ZZZ3: variants seen among roughly 807,000 people sequenced by gnomAD.
The protein encoded by ZZZ3 is zinc finger ZZ-type containing 3.
ZZZ3 carries 22 observed loss-of-function variants against 95.2 expected under a neutral mutation model. The observed-to-expected ratio is 0.23, with a 90% CI of 0.17 to 0.33. The LOEUF (loss-of-function observed/expected upper bound fraction) is 0.33, where lower values mean the gene tolerates loss of function less well. Ranked by LOEUF, ZZZ3 falls within the 10% of genes least tolerant of loss-of-function variation. The pLI is 1.00. For missense variants in ZZZ3, 885 were observed against 1,066.5 expected, an observed-to-expected ratio of 0.83 and a Z score of 2.37; for synonymous variants, 335 against 358.9, an observed-to-expected ratio of 0.93 and a Z score of 0.75.
chr1:77,647,831 A>G (rs531188738), intron 1 of ZZZ3, among the ~76,000 whole-genome samples: 1 of 152,288 alleles, frequency 6.6e-6, no homozygotes, highest in Admixed American at 6.5e-5. Context: ...AATTTGTGGG[A>G]CATGAAGTAC....
intron 5 of ZZZ3, among the ~76,000 whole-genome samples, chr1:77,592,038 C>A (rs1455423285): frequency 1.3e-5 from 2 of 152,028 alleles, no homozygotes; most frequent in Non-Finnish European, 2.9e-5. Flanking sequence ...TAAGCTGGGA[C>A]CCTATCCCTC....
At chr1:77,637,181 T>A (rs1668380354) in intron 4 of ZZZ3, among the ~76,000 whole-genome samples, 1 of 152,192 alleles carries the variant, frequency 6.6e-6, no homozygotes, top group African/African-American at 2.4e-5. Context: ...AGTCATCAAG[T>A]TTCAAACTAA....
chr1:77,630,778 C>G (rs1178672743), intron 5 of ZZZ3, among the ~76,000 whole-genome samples: 1 of 152,154 alleles, frequency 6.6e-6, no homozygotes, highest in Admixed American at 6.6e-5. Flanking sequence ...CAAATCTACA[C>G]TATCTACAAT....
chr1:77,578,367 C>T (rs1662173022), intron 11 of ZZZ3, among the ~76,000 whole-genome samples: 1 of 152,060 alleles, frequency 6.6e-6, no homozygotes, highest in Admixed American at 6.6e-5. Context: ...CACCACTGTG[C>T]CTGGCTTTAG....
chr1:77,609,300 T>C (rs1043699601), intron 5 of ZZZ3, among the ~76,000 whole-genome samples: 8 of 152,132 alleles, frequency 5.3e-5, no homozygotes, highest in Non-Finnish European at 1.2e-4. Context: ...AGAAGGTCAC[T>C]ATGTAATGAT....
At chr1:77,619,054 A>G (rs564676529) in intron 5 of ZZZ3, among the ~76,000 whole-genome samples, 3 of 152,308 alleles carry the variant, frequency 2.0e-5, no homozygotes, top group African/African-American at 7.2e-5. Context: ...TCATCTAGAA[A>G]AAAACCCCTG....
rs558933878 is a variant in ZZZ3 at position 77,650,063 on chromosome 1, C to G, written c.-402-8408G>C. On this transcript the variant is annotated intron_variant, in intron 1 of 14. Transcript: ENST00000370801. ...TGGTATAACAGCACTTCAAAGTATG[C>G]TAAGATAAATTAAGATGTATAGTAT... 7.9e-5 allele frequency among the ~76,000 whole-genome samples: 12 copies of G among 152,014 alleles called. No homozygotes were observed. In the South Asian group the frequency reaches 2.5e-3, roughly 32 times the overall value.
chr1:77,605,784 T>A (rs576251535), intron 5 of ZZZ3, among the ~76,000 whole-genome samples: 20 of 152,142 alleles, frequency 1.3e-4, no homozygotes, highest in Middle Eastern at 3.4e-3. Flanking sequence ...CCTGGCAGCA[T>A]CCATCATTTG....
At chr1:77,627,311 A>G (rs967072998) in intron 5 of ZZZ3, among the ~76,000 whole-genome samples, 1 of 152,220 alleles carries the variant, frequency 6.6e-6, no homozygotes, top group African/African-American at 2.4e-5. Flanking sequence ...ATGAGAAACT[A>G]ATGAAATTGC....
At chr1:77,566,433 A>C (rs1289808466) in intron 13 of ZZZ3, among the ~76,000 whole-genome samples, 1 of 152,188 alleles carries the variant, frequency 6.6e-6, no homozygotes, top group African/African-American at 2.4e-5. Flanking sequence ...AATCAGCTTA[A>C]ATTTATTTAA....
intron 5 of ZZZ3, among the ~76,000 whole-genome samples, chr1:77,609,168 A>C (rs1665532265): frequency 6.6e-6 from 1 of 152,184 alleles, no homozygotes; most frequent in Non-Finnish European, 1.5e-5. Flanking sequence ...AGACAGACAT[A>C]CACTGAAAAT....
intron 5 of ZZZ3, among the ~76,000 whole-genome samples, chr1:77,610,980 A>G (rs1665737215): frequency 6.6e-6 from 1 of 152,004 alleles, no homozygotes; most frequent in Non-Finnish European, 1.5e-5. Context: ...GCAATTAGTC[A>G]AGAGAAAGAA....
At chr1:77,670,255 T>C (rs1184055007) in intron 1 of ZZZ3, among the ~76,000 whole-genome samples, 2 of 135,020 alleles carry the variant, frequency 1.5e-5, no homozygotes, top group Non-Finnish European at 3.1e-5. Flanking sequence ...ACATACAACA[T>C]GCAATTTTTT....
At chr1:77,575,304 G>C (rs1013018193) in intron 12 of ZZZ3, among the ~76,000 whole-genome samples, 6 of 152,190 alleles carry the variant, frequency 3.9e-5, no homozygotes, top group African/African-American at 1.4e-4. Flanking sequence ...GAATAGTCCA[G>C]CAAGTAAATG....
intron 1 of ZZZ3, among the ~76,000 whole-genome samples, chr1:77,651,143 G>A (rs976192175): frequency 5.3e-5 from 8 of 152,174 alleles, no homozygotes; most frequent in African/African-American, 1.9e-4. Flanking sequence ...CAGCACTTTA[G>A]GAGGCTGAGG....
chr1:77,593,381 A>C (rs1415677685), intron 5 of ZZZ3, among the ~76,000 whole-genome samples: 1 of 152,216 alleles, frequency 6.6e-6, no homozygotes, highest in Non-Finnish European at 1.5e-5. Context: ...GAAAATGGAC[A>C]TCTATTTATA....
intron 3 of ZZZ3, among the ~76,000 whole-genome samples, chr1:77,640,343 G>A (rs1048540052): frequency 5.3e-5 from 8 of 152,048 alleles, no homozygotes; most frequent in East Asian, 1.9e-4. Flanking sequence ...GCTCGCACCT[G>A]TAATCCCAGC....
In ZZZ3 at chr1:77,639,459, A is replaced by G. The variant is rs1237569494; in HGVS notation, c.-62T>C. On this transcript the variant is annotated 5_prime_UTR_variant, in exon 4 of 15. Transcript: ENST00000370801. The stretch of plus-strand genomic sequence containing the variant: ...AACTAAATAACTTACCTGTACAACC[A>G]AAGATCTATCATTGTGGAAATATAA... 6.6e-7 allele frequency: 1 copy of G among 1,520,252 alleles called. No individual in the cohort carries two copies. The highest frequency in any genetic ancestry group is 1.4e-5 in the African/African-American group (1 of 71,420). The allele number at this position is 1,520,252 out of a possible 1,614,324, so 94.2% of individuals were successfully genotyped here.
chr1:77,618,695 T>C (rs1252177965), intron 5 of ZZZ3, among the ~76,000 whole-genome samples: 1 of 152,230 alleles, frequency 6.6e-6, no homozygotes, highest in Non-Finnish European at 1.5e-5. Flanking sequence ...TTCTGATTCC[T>C]GCAACAAGCT....
Sources: gnomAD v4.1 joint callset for allele counts (sites outside exome capture counted in the v4.1 genomes callset) on GRCh38, gnomAD v4.1.1 for gene constraint, MANE v1.5 for transcripts, NCBI Gene and HGNC (gene_info 2026-07-23, HGNC 2026-07-21) for gene names.